The following ITGB1 variants were observed in gnomAD, a reference collection of about 807,000 sequenced individuals.
The protein encoded by ITGB1 is integrin subunit beta 1.
A neutral mutation model predicts 86.5 loss-of-function variants in ITGB1; 24 were observed. The ratio of observed to expected loss-of-function variants is 0.28; its 90% CI spans 0.20 to 0.39. ITGB1 has a LOEUF of 0.39. ITGB1 is among the 10% of genes least tolerant of loss of function. The pLI is 1.00. For missense variants in ITGB1, 556 were observed against 946.9 expected (o/e 0.59, Z 5.42); for synonymous variants, 323 against 316.8 (o/e 1.02, Z -0.21).
At position 32,903,351 on chromosome 10, in the gene ITGB1, C is replaced by CAAAAAA. The variant is rs35559257; in HGVS notation, c.2332-1722_2332-1717dup. Reference sequence around the variant, plus strand: ...TGGGCGAAAGAGCAAGACTCCATCTCAAAAAAAAAAAAAAAAAAAAAAGAG... The same window carrying CAAAAAA: ...TGGGCGAAAGAGCAAGACTCCATCTCAAAAAAAAAAAAAAAAAAAAAAAAAAAAGAG... On this transcript the variant is annotated intron_variant, in intron 15 of 15. Coordinates refer to ENST00000302278, the MANE Select transcript of ITGB1 (RefSeq NM_002211.4). Among the ~76,000 whole-genome samples, 264 of 56,064 alleles carry CAAAAAA rather than the reference C, an allele frequency of 4.7e-3. 2 individuals carry two copies. Among genetic ancestry groups the CAAAAAA allele is most frequent in the Non-Finnish European group, 6.7e-3 (207 of 31,082 alleles). 36.8% of individuals were successfully genotyped at this position (56,064 alleles called of 152,430 possible).
intron 7 of ITGB1, 35 bp from the exon 8 acceptor site, chr10:32,922,770 T>C (rs1286063816): frequency 8.5e-7 from 1 of 1,170,560 alleles, no homozygotes; most frequent in African/African-American, 1.5e-5. Context: ...AGTATTTAAA[T>C]ACACCCTTAT....
At chr10:32,940,536 A>G (rs1244077079) in intron 1 of ITGB1, among the ~76,000 whole-genome samples, 2 of 152,194 alleles carry the variant, frequency 1.3e-5, no homozygotes, top group Admixed American at 1.3e-4. Flanking sequence ...CTACATTACT[A>G]GGCAACAGGT....
At position 32,905,043 on chromosome 10, in the gene ITGB1, T is replaced by TA. The variant is rs5784310; in HGVS notation, c.2331+3324dup. On this transcript the variant is annotated intron_variant, in intron 15 of 15. Coordinates refer to ENST00000302278, the MANE Select transcript of ITGB1 (RefSeq NM_002211.4). Reference sequence around the variant, plus strand: ...TACAACTAAAGAAAAAAATATGTATTAAAAAAAAAAAAAAGCCTGGCAATG... The same window carrying TA: ...TACAACTAAAGAAAAAAATATGTATTAAAAAAAAAAAAAAAGCCTGGCAATG... Among the ~76,000 whole-genome samples the TA allele has an allele frequency of 3.1e-3, 438 of 142,430 alleles. 3 individuals carry two copies. Among genetic ancestry groups the TA allele is most frequent in the African/African-American group, 0.01 (390 of 37,770 alleles). 93.4% of individuals were successfully genotyped at this position (142,430 alleles called of 152,430 possible). A position where few individuals can be genotyped will look rare whatever the true frequency, so the allele number is the denominator to read the frequency against.
intron 4 of ITGB1, among the ~76,000 whole-genome samples, chr10:32,929,239 G>A (rs541933876): frequency 2.0e-5 from 3 of 151,880 alleles, no homozygotes; most frequent in African/African-American, 4.8e-5. Context: ...CTGGGTCTGC[G>A]GGCTGAAGGC....
At chr10:32,936,596 A>C (rs986143091) in intron 1 of ITGB1, among the ~76,000 whole-genome samples, 4 of 152,080 alleles carry the variant, frequency 2.6e-5, no homozygotes, top group Non-Finnish European at 5.9e-5. Context: ...CTAACCAAAA[A>C]ATTAGGTAAT....
intron 1 of ITGB1, among the ~76,000 whole-genome samples, chr10:32,939,769 AGG>A (rs2095013880): frequency 1.4e-5 from 2 of 147,146 alleles, no homozygotes; most frequent in African/African-American, 2.5e-5. Flanking sequence ...AGTGAGTGAG[AGG>A]GGCAAGTGAG....
At chr10:32,908,322 A>C (rs2094902789) in intron 15 of ITGB1, 46 bp downstream of exon 15, 11 of 1,561,502 alleles carry the variant, frequency 7.0e-6, no homozygotes, top group Admixed American at 1.7e-5. Context: ...GGAGTATTAC[A>C]TTTACTTTAT....
In ITGB1 at chr10:32,928,136, G is replaced by A. The variant is rs148743888; in HGVS notation, c.505C>T (p.Leu169=). The change falls in exon 5 of 16, where the codon CTG becomes TTG. Residue 169 remains leucine (L), a synonymous_variant. Coordinates refer to ENST00000302278, the MANE Select transcript of ITGB1 (RefSeq NM_002211.4). The part of the protein sequence containing the change: ...LENVKSLGTD[L]MNEMRRITSD... ...GTAATCCTCCTCATTTCATTCATCA[G>A]ATCTGTTCCAAGACTTTTTACATTC... is the stretch of plus-strand genomic sequence containing the variant. The A allele has an allele frequency of 2.3e-4, 369 of 1,600,994 alleles. No homozygotes were observed. The African/African-American group carries it at 4.1e-3, about 18-fold the overall frequency.
At chr10:32,947,321 C>G (rs1166094656) in intron 1 of ITGB1, among the ~76,000 whole-genome samples, 2 of 151,152 alleles carry the variant, frequency 1.3e-5, no homozygotes, top group African/African-American at 2.4e-5. Context: ...AGAAAGAAAA[C>G]TGCTAGACCA....
intron 9 of ITGB1, among the ~76,000 whole-genome samples, chr10:32,921,159 C>T (rs1245407844): frequency 9.5e-6 from 1 of 104,754 alleles, no homozygotes; most frequent in Non-Finnish European, 2.0e-5. Context: ...CATTGTAGCC[C>T]AGCCAAAAAA....
At chr10:32,946,219 A>G (rs1468465980) in intron 1 of ITGB1, among the ~76,000 whole-genome samples, 2 of 152,242 alleles carry the variant, frequency 1.3e-5, no homozygotes, top group Non-Finnish European at 2.9e-5. Flanking sequence ...CTATGGAATT[A>G]TGTAAAGTAA....
At position 32,910,296 on chromosome 10, in the gene ITGB1, G is replaced by A. The variant is rs755016082; in HGVS notation, c.2091C>T (p.Asp697=). 70 of 1,605,214 alleles carry A rather than the reference G, an allele frequency of 4.4e-5. 1 individual carries two copies. The Admixed American group carries it at 6.7e-4, about 15-fold the overall frequency. ...AATACGTAAAATAGAACCAACAGTC[G>A]TCAACATCCTTCTCCTTACAATGGG... ...PVSHCKEKDV[D]DCWFYFTYSV... The change falls in exon 14 of 16, where the codon GAC becomes GAT. Residue 697 remains aspartate (D), a synonymous_variant. Coordinates refer to ENST00000302278, the MANE Select transcript of ITGB1 (RefSeq NM_002211.4).
At chr10:32,948,793 C>T (rs1011923382) in intron 1 of ITGB1, among the ~76,000 whole-genome samples, 1 of 152,128 alleles carries the variant, frequency 6.6e-6, no homozygotes. Flanking sequence ...AGAACCCTGA[C>T]ATAAATTACC....
At chr10:32,948,006 A>AT (rs35342363) in intron 1 of ITGB1, among the ~76,000 whole-genome samples, 200 of 147,742 alleles carry the variant, frequency 1.4e-3, no homozygotes, top group African/African-American at 2.9e-3. Flanking sequence ...CTATGGTTGA[A>AT]TTTTTTTTTT....
chr10:32,931,749 G>A (rs2094984062), intron 3 of ITGB1, among the ~76,000 whole-genome samples: 1 of 152,096 alleles, frequency 6.6e-6, no homozygotes, highest in South Asian at 2.1e-4. Flanking sequence ...CCAAATGCCT[G>A]CATGAAAACA....
chr10:32,927,185 AT>A, intron 5 of ITGB1, among the ~76,000 whole-genome samples: 1 of 152,340 alleles, frequency 6.6e-6, no homozygotes, highest in Middle Eastern at 3.4e-3. Context: ...ATAAAAGAAC[AT>A]TTTAAGCAAG....
At chr10:32,935,583 T>C (rs759735110) in intron 1 of ITGB1, 25 bp from the exon 2 acceptor site, 1 of 1,514,052 alleles carries the variant, frequency 6.6e-7, no homozygotes, top group South Asian at 1.1e-5. Flanking sequence ...GTGCCTTATA[T>C]TAGTTATAAA....
chr10:32,916,553 A>G (rs1229147451), intron 11 of ITGB1, among the ~76,000 whole-genome samples: 7 of 152,188 alleles, frequency 4.6e-5, no homozygotes, highest in African/African-American at 1.7e-4. Flanking sequence ...AATAACAGAC[A>G]AACAGAGAGC....
intron 3 of ITGB1, among the ~76,000 whole-genome samples, chr10:32,931,788 T>C (rs2094984213): frequency 6.6e-6 from 1 of 152,178 alleles, no homozygotes; most frequent in Non-Finnish European, 1.5e-5. Flanking sequence ...TCTTCTGATA[T>C]TAGTTATTCA....
Sources: gnomAD v4.1 joint callset for allele counts (sites outside exome capture counted in the v4.1 genomes callset) on GRCh38, gnomAD v4.1.1 for gene constraint, MANE v1.5 for transcripts, NCBI Gene and HGNC (gene_info 2026-07-23, HGNC 2026-07-21) for gene names.